LIG1: variants seen among roughly 807,000 people sequenced by gnomAD.
The protein encoded by LIG1 is DNA ligase 1.
In LIG1, 70 loss-of-function variants were observed where a neutral mutation model predicts 115.7. The observed-to-expected ratio is 0.60, with a 90% CI of 0.50 to 0.74. The LOEUF (loss-of-function observed/expected upper bound fraction) is 0.74. Among genes scored for constraint, LIG1 ranks in the 30% least tolerant of loss-of-function variants. The pLI, the probability that LIG1 is intolerant of heterozygous loss-of-function variation, is 0.00. For synonymous variants in LIG1, 487 were observed against 495.3 expected (o/e 0.98, Z 0.22); for missense variants, 1,115 against 1,225.6 (o/e 0.91, Z 1.35).
At chr19:48,127,431 G>T in intron 20 of LIG1, 83 bp from the exon 21 acceptor site, 1 of 1,238,574 alleles carries the variant, frequency 8.1e-7, no homozygotes, top group Non-Finnish European at 1.1e-6. Flanking sequence ...TTCATCTACC[G>T]GTCTCCCTCT....
chr19:48,158,450 T>G (rs1382319130), intron 4 of LIG1, among the ~76,000 whole-genome samples: 2 of 152,228 alleles, frequency 1.3e-5, no homozygotes, highest in Non-Finnish European at 2.9e-5. Flanking sequence ...GCGTCTTGCC[T>G]AAGCCACTGC....
At chr19:48,143,500 A>T in intron 11 of LIG1, 43 bp downstream of exon 11, 9 of 735,256 alleles carry the variant, frequency 1.2e-5, no homozygotes, top group South Asian at 1.3e-5. Flanking sequence ...GGACAGACCC[A>T]GAAGCGACCC....
chr19:48,143,627 G>A (rs550209001), intron 10 of LIG1, 28 bp from the exon 11 acceptor site: 5 of 1,592,710 alleles, frequency 3.1e-6, no homozygotes, highest in African/African-American at 2.7e-5. Context: ...ACGCAAGAGT[G>A]ACAGTGGTGC....
At chr19:48,145,418 A>G (rs139089804) in intron 9 of LIG1, among the ~76,000 whole-genome samples, 1 of 151,948 alleles carries the variant, frequency 6.6e-6, no homozygotes, top group East Asian at 1.9e-4. Flanking sequence ...GAGGGTTCCC[A>G]CTCCTGGGTG....
At position 48,135,668 on chromosome 19, in the gene LIG1, C is replaced by T. The variant is rs3730981; in HGVS notation, c.1523+12G>A. On this transcript the variant is annotated intron_variant, in intron 16 of 27. Transcript: ENST00000263274. ...CAGCCCCTGGCAACTCCACCCACTG[C>T]CCAGCTCTCACCAGAACGTCTGCTT... 8.8e-4 allele frequency: 1,420 copies of T among 1,611,018 alleles called. 10 individuals carry two copies. The African/African-American group carries it at 0.017, about 20-fold the overall frequency.
At chr19:48,129,946 G>A (rs1373033558) in intron 19 of LIG1, among the ~76,000 whole-genome samples, 2 of 151,956 alleles carry the variant, frequency 1.3e-5, no homozygotes, top group Non-Finnish European at 2.9e-5. Context: ...AGTAGAGATG[G>A]GATTTCACCA....
At chr19:48,164,665 GGA>G (rs2036378916) in intron 2 of LIG1, among the ~76,000 whole-genome samples, 1 of 152,232 alleles carries the variant, frequency 6.6e-6, no homozygotes. Context: ...GCTGAACAAT[GGA>G]GAGAGACAGA....
intron 4 of LIG1, among the ~76,000 whole-genome samples, chr19:48,159,117 G>T (rs561669021): frequency 2.4e-4 from 35 of 147,234 alleles, no homozygotes; most frequent in Middle Eastern, 3.5e-3. Context: ...TTGCCCTGTT[G>T]TTCAGGCTGG....
At chr19:48,146,908 C>T (rs1040803225) in intron 9 of LIG1, among the ~76,000 whole-genome samples, 2 of 152,178 alleles carry the variant, frequency 1.3e-5, no homozygotes, top group African/African-American at 2.4e-5. Flanking sequence ...CCTGGCGAGG[C>T]CCGACCTAAC....
chr19:48,161,502 G>T lies in LIG1; in HGVS notation c.113C>A (p.Ala38Glu), dbSNP rs2036174636. 1 of 1,614,012 alleles carries T rather than the reference G, an allele frequency of 6.2e-7. No individual in the cohort carries two copies. Among genetic ancestry groups the T allele is most frequent in the Non-Finnish European group, 8.5e-7 (1 of 1,180,030 alleles). The change falls in exon 4 of 28, where the codon GCA becomes GAA. Residue 38 changes from alanine (A) to glutamate (E), a missense_variant. Transcript: ENST00000263274. ...SRETEPPPKAALKEWNGVVSE... is the reference protein window; with the variant it reads ...SRETEPPPKAELKEWNGVVSE... ...CACCACTCCATTCCACTCCTTCAGT[G>T]CCGCCCTGGAAGGTGGGGAAATGGG...
At chr19:48,117,320 T>G (rs1173737718) in intron 26 of LIG1, among the ~76,000 whole-genome samples, 1 of 148,796 alleles carries the variant, frequency 6.7e-6, no homozygotes, top group Non-Finnish European at 1.5e-5. Context: ...CCATCACACA[T>G]GGCTAATTTT....
intron 21 of LIG1, among the ~76,000 whole-genome samples, chr19:48,125,111 A>G (rs573840758): frequency 2.0e-5 from 3 of 152,338 alleles, no homozygotes; most frequent in African/African-American, 7.2e-5. Flanking sequence ...AACTACTACT[A>G]ATAAAAAAAT....
chr19:48,135,640 C>G, intron 16 of LIG1, 40 bp downstream of exon 16: 1 of 1,531,766 alleles, frequency 6.5e-7, no homozygotes, highest in Non-Finnish European at 9.0e-7. Context: ...GGCACTCTGC[C>G]CACAGCCCCT....
chr19:48,162,376 A>C (rs1234142536), intron 2 of LIG1, 25 bp from the exon 3 acceptor site: 1 of 1,542,866 alleles, frequency 6.5e-7, no homozygotes, highest in Non-Finnish European at 9.0e-7. Context: ...AAGGGGGTAA[A>C]AAAAGGAGAA....
In LIG1 at chr19:48,115,799, A is replaced by G. The variant is rs759303595; in HGVS notation, c.2677-67T>C. 409 of 1,580,566 alleles carry G rather than the reference A, an allele frequency of 2.6e-4. 1 individual carries two copies. The highest frequency in any genetic ancestry group is 5.2e-4 in the South Asian group (47 of 90,396). On this transcript the variant is annotated intron_variant, in intron 27 of 27. Transcript: ENST00000263274. ...GCTGCTCCCACCTCCACAAGGTTCC[A>G]GAGAGGCCACCACGCTAAAAAGCTG...
At chr19:48,120,890 A>G (rs2033215684) in intron 24 of LIG1, 7 of 1,225,528 alleles carry the variant, frequency 5.7e-6, no homozygotes, top group Non-Finnish European at 6.2e-6. Context: ...TTCTCATTTC[A>G]TAACAAAAAA....
chr19:48,138,392 G>A (rs969350225), intron 12 of LIG1, among the ~76,000 whole-genome samples: 43 of 152,174 alleles, frequency 2.8e-4, no homozygotes, highest in African/African-American at 1.0e-3. Flanking sequence ...AGAATGAAAG[G>A]GAAAGCAATC....
chr19:48,137,685 C>T lies in LIG1; in HGVS notation c.1091G>A (p.Arg364Gln), dbSNP rs766064327. The T allele has an allele frequency of 7.5e-6, 12 of 1,602,636 alleles. No individual in the cohort carries two copies. The highest frequency in any genetic ancestry group is 3.3e-4 in the Middle Eastern group (2 of 6,058). ...CTCAGCCCGGACGGACTCCAGCTGCCGACCTTCAGGGGAGAGCGCGGGTGG... is the reference window on the plus strand; with the variant it reads ...CTCAGCCCGGACGGACTCCAGCTGCTGACCTTCAGGGGAGAGCGCGGGTGG... ...LLKAVAQATGRQLESVRAEAA... is the reference protein window; with the variant it reads ...LLKAVAQATGQQLESVRAEAA... The change falls in exon 13 of 28, where the codon CGG becomes CAG. Residue 364 changes from arginine to glutamine, a missense_variant. Transcript: ENST00000263274. The surrounding 1 kb of genome is among the most constrained non-coding windows in gnomAD (Gnocchi z 4.3).
At chr19:48,132,664 G>T (rs1433257432) in intron 18 of LIG1, among the ~76,000 whole-genome samples, 1 of 151,766 alleles carries the variant, frequency 6.6e-6, no homozygotes, top group African/African-American at 2.4e-5. Flanking sequence ...GGTAGCGGGC[G>T]CCTGTAGTCC....
Sources: gnomAD v4.1 joint callset for allele counts (sites outside exome capture counted in the v4.1 genomes callset) on GRCh38, gnomAD v4.1.1 for gene constraint, Gnocchi (gnomAD v3.1) non-coding constraint, MANE v1.5 for transcripts, NCBI Gene and HGNC (gene_info 2026-07-23, HGNC 2026-07-21) for gene names.